Variants in LAMA2 observed in about 807,000 individuals in gnomAD.
LAMA2 encodes the protein laminin subunit alpha-2.
LAMA2 carries 269 observed loss-of-function variants against 364.8 expected under a neutral mutation model. The observed-to-expected ratio is 0.74, with a 90% CI of 0.67 to 0.82. The LOEUF is 0.82. LAMA2 is among the 40% of genes least tolerant of loss of function. The pLI, the probability that LAMA2 is intolerant of heterozygous loss-of-function variation, is 0.00. For synonymous variants in LAMA2, 1,379 were observed against 1,370.6 expected, an observed-to-expected ratio of 1.01 and a Z score of -0.14; for missense variants, 3,807 against 3,873.2, an observed-to-expected ratio of 0.98 and a Z score of 0.45.
intron 4 of LAMA2, among the ~76,000 whole-genome samples, chr6:129,133,131 C>T (rs1777586586): frequency 6.6e-6 from 1 of 152,164 alleles, no homozygotes; most frequent in African/African-American, 2.4e-5. Flanking sequence ...TATAAACCCA[C>T]TGAAGTGAAG....
At chr6:129,034,455 T>C (rs1332229739) in intron 1 of LAMA2, among the ~76,000 whole-genome samples, 1 of 152,086 alleles carries the variant, frequency 6.6e-6, no homozygotes, top group African/African-American at 2.4e-5. Flanking sequence ...CATGACAGTT[T>C]TTTTTTCTTT....
intron 3 of LAMA2, among the ~76,000 whole-genome samples, chr6:129,060,944 T>C (rs1469785654): frequency 1.3e-5 from 2 of 152,238 alleles, no homozygotes; most frequent in Middle Eastern, 3.4e-3. Context: ...GTGCTGCAGC[T>C]TATATCACCA....
At chr6:129,407,609 C>T (rs988129716) in intron 40 of LAMA2, among the ~76,000 whole-genome samples, 1 of 152,218 alleles carries the variant, frequency 6.6e-6, no homozygotes, top group African/African-American at 2.4e-5. Flanking sequence ...CAACTGGCCA[C>T]GTGGTTGTAG....
At chr6:129,026,690 T>A (rs1267675181) in intron 1 of LAMA2, among the ~76,000 whole-genome samples, 4 of 152,164 alleles carry the variant, frequency 2.6e-5, no homozygotes, top group African/African-American at 9.6e-5. Context: ...GGGTTTGAAA[T>A]GGTTCTGGGG....
intron 56 of LAMA2, chr6:129,490,775 G>C (rs1784820006): frequency 6.6e-6 from 1 of 151,934 alleles, no homozygotes; most frequent in African/African-American, 2.4e-5. Context: ...CCATAGTTTG[G>C]TAAAGAAAGA....
chr6:129,214,183 A>T (rs1273430761), intron 12 of LAMA2, among the ~76,000 whole-genome samples: 4 of 152,186 alleles, frequency 2.6e-5, no homozygotes, highest in African/African-American at 9.6e-5. Context: ...AGGAGATCCA[A>T]GTTAGGACAG....
intron 1 of LAMA2, among the ~76,000 whole-genome samples, chr6:128,987,398 C>T (rs187609569): frequency 6.6e-6 from 1 of 152,148 alleles, no homozygotes; most frequent in Non-Finnish European, 1.5e-5. Flanking sequence ...GCCTCGGCCT[C>T]CCAAACTGCT....
At chr6:129,032,888 G>A (rs930870345) in intron 1 of LAMA2, among the ~76,000 whole-genome samples, 2 of 152,204 alleles carry the variant, frequency 1.3e-5, no homozygotes, top group South Asian at 2.1e-4. Context: ...ACTAAGATGT[G>A]TTGAGCTTGA....
Position 129,287,839 on chromosome 6 carries a change from T to C in LAMA2, c.2538-8T>C, listed in dbSNP as rs1012986172. 3.7e-6 allele frequency: 6 copies of C among 1,612,440 alleles called. No homozygotes were observed. Among genetic ancestry groups the C allele is most frequent in the African/African-American group, 1.3e-5 (1 of 74,856 alleles). ...CCAAAGGCTCACTGATGAAATTTCTTGCCTTAGGTGTGCAGAAGGCTATTT... is the reference window on the plus strand; with the variant it reads ...CCAAAGGCTCACTGATGAAATTTCTCGCCTTAGGTGTGCAGAAGGCTATTT... On this transcript the variant is annotated splice_polypyrimidine_tract_variant and splice_region_variant and intron_variant, in intron 18 of 64. Transcript: ENST00000421865.
chr6:129,234,194 T>A (rs1286729993), intron 12 of LAMA2, among the ~76,000 whole-genome samples: 1 of 152,174 alleles, frequency 6.6e-6, no homozygotes, highest in East Asian at 1.9e-4. Flanking sequence ...ATCCATTGGT[T>A]TGCAAGGCCT....
At chr6:129,390,235 A>G (rs1006037515) in intron 35 of LAMA2, among the ~76,000 whole-genome samples, 41 of 152,250 alleles carry the variant, frequency 2.7e-4, no homozygotes, top group African/African-American at 9.6e-4. Flanking sequence ...CCTCACCCCC[A>G]GAATTTCTGA....
chr6:129,004,427 AAAAG>A (rs1376428716), intron 1 of LAMA2, among the ~76,000 whole-genome samples: 1 of 67,172 alleles, frequency 1.5e-5, no homozygotes, highest in Non-Finnish European at 2.8e-5. Context: ...AAAAAAAAAA[AAAAG>A]AAGTATGATG....
intron 40 of LAMA2, among the ~76,000 whole-genome samples, chr6:129,411,529 A>G (rs11154474): frequency 0.044 from 6,722 of 152,286 alleles, 196 homozygotes; most frequent in Non-Finnish European, 0.065. Context: ...CTCTTATAGC[A>G]AATTTCCCAG....
At chr6:129,339,389 A>G (rs1776130923) in intron 29 of LAMA2, among the ~76,000 whole-genome samples, 1 of 152,202 alleles carries the variant, frequency 6.6e-6, no homozygotes, top group Non-Finnish European at 1.5e-5. Context: ...GCAAGAGATG[A>G]ACTTCATTGT....
intron 2 of LAMA2, among the ~76,000 whole-genome samples, chr6:129,053,613 A>G (rs993494891): frequency 6.6e-6 from 1 of 152,180 alleles, no homozygotes; most frequent in African/African-American, 2.4e-5. Flanking sequence ...GAAGGAAAGA[A>G]TTTTTAGGAA....
intron 1 of LAMA2, among the ~76,000 whole-genome samples, chr6:128,939,302 A>G (rs760569824): frequency 6.6e-6 from 1 of 150,864 alleles, no homozygotes; most frequent in Non-Finnish European, 1.5e-5. Flanking sequence ...ATTACAGTTT[A>G]TCCTGGAGGA....
intron 22 of LAMA2, among the ~76,000 whole-genome samples, chr6:129,305,674 A>G (rs912792846): frequency 5.9e-5 from 9 of 152,138 alleles, no homozygotes; most frequent in East Asian, 3.9e-4. Context: ...AATAACATAT[A>G]TTCAGATCTT....
intron 12 of LAMA2, among the ~76,000 whole-genome samples, chr6:129,198,443 C>T (rs1395759002): frequency 6.6e-6 from 1 of 151,922 alleles, no homozygotes; most frequent in African/African-American, 2.4e-5. Context: ...TCTTGCAAGG[C>T]ATTGATCTTT....
At chr6:128,957,836 A>ATTTTTTTTTTTTTTTTTTTTTTTTTTCTT (rs10652900) in intron 1 of LAMA2, among the ~76,000 whole-genome samples, 2 of 51,264 alleles carry the variant, frequency 3.9e-5, no homozygotes, top group Non-Finnish European at 6.8e-5. Flanking sequence ...TACTTCATGC[A>ATTTTTTTTTTTTTTTTTTTTTTTTTTCTT]TTTTTTTTTT....
Sources: gnomAD v4.1 joint callset for allele counts (sites outside exome capture counted in the v4.1 genomes callset) on GRCh38, gnomAD v4.1.1 for gene constraint, MANE v1.5 for transcripts, NCBI Gene and HGNC (gene_info 2026-07-23, HGNC 2026-07-21) for gene names.